The following LDLRAD4 variants were observed in gnomAD, a reference collection of about 807,000 sequenced individuals.
The protein encoded by LDLRAD4 is low density lipoprotein receptor class A domain containing 4.
A neutral mutation model predicts 17.0 loss-of-function variants in LDLRAD4; 5 were observed. The ratio of observed to expected loss-of-function variants is 0.29; its 90% CI spans 0.15 to 0.62. The LOEUF (loss-of-function observed/expected upper bound fraction) is 0.62. Ranked by LOEUF, LDLRAD4 falls within the 20% of genes least tolerant of loss-of-function variation. The pLI is 0.84. For missense variants in LDLRAD4, 340 were observed against 424.7 expected (o/e 0.80, Z 1.75); for synonymous variants, 168 against 171.8 (o/e 0.98, Z 0.17).
intron 3 of LDLRAD4, among the ~76,000 whole-genome samples, chr18:13,606,905 C>G (rs933447973): frequency 6.6e-6 from 1 of 152,166 alleles, no homozygotes; most frequent in Non-Finnish European, 1.5e-5. Flanking sequence ...GCAGACGAGA[C>G]ACATAAAATG....
intron 3 of LDLRAD4, chr18:13,462,127 G>C (rs1229800647): frequency 1.3e-5 from 2 of 152,218 alleles, no homozygotes; most frequent in African/African-American, 2.4e-5. Flanking sequence ...CAGTGGGCTG[G>C]CTTCAGATCC....
chr18:13,474,871 G>A (rs1038346717), intron 3 of LDLRAD4, among the ~76,000 whole-genome samples: 8 of 152,222 alleles, frequency 5.3e-5, no homozygotes, highest in South Asian at 2.1e-4. Context: ...CGGCCCAGGG[G>A]CTACAGGTGC....
intron 3 of LDLRAD4, among the ~76,000 whole-genome samples, chr18:13,448,737 C>T (rs575157347): frequency 2.6e-5 from 4 of 151,998 alleles, no homozygotes; most frequent in East Asian, 1.9e-4. Context: ...GTTTGATGGC[C>T]GCTAATCACG....
At chr18:13,284,516 G>T (rs2045494401) in intron 1 of LDLRAD4, among the ~76,000 whole-genome samples, 1 of 152,138 alleles carries the variant, frequency 6.6e-6, no homozygotes, top group Non-Finnish European at 1.5e-5. Context: ...AATTTTGTGG[G>T]GGAGGCCAGG....
intron 3 of LDLRAD4, among the ~76,000 whole-genome samples, chr18:13,528,275 G>A (rs944138679): frequency 2.0e-5 from 3 of 152,142 alleles, no homozygotes; most frequent in Non-Finnish European, 4.4e-5. Context: ...CCTTACCTGC[G>A]TTACCCTGTT....
At chr18:13,422,916 G>A (rs2089619809) in intron 2 of LDLRAD4, among the ~76,000 whole-genome samples, 1 of 152,164 alleles carries the variant, frequency 6.6e-6, no homozygotes, top group Non-Finnish European at 1.5e-5. Flanking sequence ...AGCAGAGGCG[G>A]AAAGCTGGTG....
Position 13,574,297 on chromosome 18 carries a change from C to G in LDLRAD4, c.182-46820C>G, listed in dbSNP as rs533859969. Among the ~76,000 whole-genome samples, 15 of 152,258 alleles carry G rather than the reference C, an allele frequency of 9.9e-5. No individual in the cohort carries two copies. The East Asian group carries it at 2.9e-3, about 29-fold the overall frequency. On this transcript the variant is annotated intron_variant, in intron 3 of 5. Transcript: ENST00000359446. ...AGCAGAATGTGGCTGGGCTACAGCTCCTGAGGAAGCCGGCCATGGCAGCAC... is the reference window on the plus strand; with the variant it reads ...AGCAGAATGTGGCTGGGCTACAGCTGCTGAGGAAGCCGGCCATGGCAGCAC...
chr18:13,540,910 C>A (rs1338538569), intron 3 of LDLRAD4, among the ~76,000 whole-genome samples: 1 of 152,146 alleles, frequency 6.6e-6, no homozygotes, highest in African/African-American at 2.4e-5. Flanking sequence ...TTCTTTGGAG[C>A]CTGTGGGCAC....
intron 1 of LDLRAD4, among the ~76,000 whole-genome samples, chr18:13,263,678 G>T (rs192507943): frequency 1.3e-5 from 2 of 152,174 alleles, no homozygotes; most frequent in Admixed American, 1.3e-4. Context: ...GTTGGTAATC[G>T]TATTACCCAC....
At chr18:13,437,202 C>G (rs1282368523) in intron 2 of LDLRAD4, among the ~76,000 whole-genome samples, 1 of 152,150 alleles carries the variant, frequency 6.6e-6, no homozygotes, top group African/African-American at 2.4e-5. Flanking sequence ...CAGACAGAAC[C>G]AAGGCCTGGA....
intron 3 of LDLRAD4, among the ~76,000 whole-genome samples, chr18:13,530,979 G>A (rs2094118848): frequency 6.6e-6 from 1 of 152,220 alleles, no homozygotes; most frequent in African/African-American, 2.4e-5. Flanking sequence ...TTAGAGTAAA[G>A]TTAAGCTGCC....
chr18:13,560,389 C>T (rs567618760), intron 3 of LDLRAD4, among the ~76,000 whole-genome samples: 8 of 152,278 alleles, frequency 5.3e-5, no homozygotes, highest in African/African-American at 1.4e-4. Flanking sequence ...CAAGGGGATT[C>T]GGGTCTTTCC....
intron 1 of LDLRAD4, among the ~76,000 whole-genome samples, chr18:13,338,072 AC>A (rs1340673101): frequency 6.6e-6 from 1 of 152,106 alleles, no homozygotes; most frequent in Non-Finnish European, 1.5e-5. Flanking sequence ...GCTTCAAGTT[AC>A]CCCTTTTCCC....
intron 3 of LDLRAD4, chr18:13,484,082 G>A (rs2093161036): frequency 6.6e-6 from 1 of 152,274 alleles, no homozygotes; most frequent in Non-Finnish European, 1.5e-5. Context: ...CAGCAATGAG[G>A]TGAACCCAGG....
At chr18:13,312,136 A>G (rs2047274455) in intron 1 of LDLRAD4, among the ~76,000 whole-genome samples, 1 of 152,240 alleles carries the variant, frequency 6.6e-6, no homozygotes, top group Admixed American at 6.5e-5. Context: ...TGCCCGGCCA[A>G]ATCTGAAACT....
intron 3 of LDLRAD4, among the ~76,000 whole-genome samples, chr18:13,557,980 A>T (rs2094501804): frequency 6.6e-6 from 1 of 152,216 alleles, no homozygotes; most frequent in Admixed American, 6.5e-5. Flanking sequence ...GGTACAAAAA[A>T]ATTCCACATA....
At chr18:13,514,147 A>G (rs1038778186) in intron 3 of LDLRAD4, among the ~76,000 whole-genome samples, 1 of 152,232 alleles carries the variant, frequency 6.6e-6, no homozygotes, top group Non-Finnish European at 1.5e-5. Flanking sequence ...GTCTCATTCC[A>G]TAATAGGGGC....
intron 5 of LDLRAD4, among the ~76,000 whole-genome samples, chr18:13,644,624 C>T (rs1213921241): frequency 1.3e-5 from 2 of 151,968 alleles, no homozygotes; most frequent in African/African-American, 4.8e-5. Flanking sequence ...CGGAGCCCCT[C>T]CTTACTTTTC....
At chr18:13,359,433 C>T (rs1446756456) in intron 1 of LDLRAD4, among the ~76,000 whole-genome samples, 3 of 152,030 alleles carry the variant, frequency 2.0e-5, no homozygotes, top group African/African-American at 4.8e-5. Context: ...TGGTTTCTAA[C>T]AGCAGGACTT....
Sources: allele counts gnomAD v4.1 joint callset (sites outside exome capture counted in the v4.1 genomes callset), GRCh38; gene constraint gnomAD v4.1.1; transcripts MANE v1.5; gene names NCBI Gene and HGNC (gene_info 2026-07-23, HGNC 2026-07-21).